KCNMB2: variants seen among roughly 807,000 people sequenced by gnomAD.
The protein encoded by KCNMB2 is calcium-activated potassium channel subunit beta-2.
Under a neutral mutation model 24.5 loss-of-function variants are expected in KCNMB2, and 9 were observed. The observed-to-expected ratio is 0.37, with a 90% CI of 0.22 to 0.64. The LOEUF (loss-of-function observed/expected upper bound fraction) is 0.64, where lower values mean the gene tolerates loss of function less well. KCNMB2 is among the 30% of genes least tolerant of loss of function. The pLI is 0.63. For synonymous variants in KCNMB2, 109 were observed against 104.4 expected (o/e 1.04, Z -0.27); for missense variants, 226 against 284.3 (o/e 0.79, Z 1.47).
At chr3:178,805,236 A>C (rs1713918988) in intron 1 of KCNMB2, among the ~76,000 whole-genome samples, 1 of 152,184 alleles carries the variant, frequency 6.6e-6, no homozygotes, top group African/African-American at 2.4e-5. Flanking sequence ...TCTGATGCTG[A>C]CCCAAGGGTT....
At chr3:178,553,526 CAGAG>C (rs1716025144) in intron 1 of KCNMB2, among the ~76,000 whole-genome samples, 2 of 150,406 alleles carry the variant, frequency 1.3e-5, no homozygotes, top group East Asian at 3.9e-4. Context: ...TGATCAGCTT[CAGAG>C]AGATTCCTTT....
chr3:178,708,189 C>A (rs1403356460), intron 1 of KCNMB2, among the ~76,000 whole-genome samples: 1 of 152,080 alleles, frequency 6.6e-6, no homozygotes, highest in Non-Finnish European at 1.5e-5. Flanking sequence ...TATTATCATA[C>A]CTGCCCCCTT....
At chr3:178,783,109 C>T (rs1189725314) in intron 1 of KCNMB2, among the ~76,000 whole-genome samples, 11 of 151,402 alleles carry the variant, frequency 7.3e-5, no homozygotes, top group South Asian at 2.1e-4. Context: ...TGTAGATATA[C>T]GGCGTTATTT....
intron 1 of KCNMB2, among the ~76,000 whole-genome samples, chr3:178,780,417 C>G (rs978775259): frequency 1.3e-5 from 2 of 152,170 alleles, no homozygotes; most frequent in Non-Finnish European, 2.9e-5. Context: ...AGTTGAGACT[C>G]AGGGATGCAA....
intron 1 of KCNMB2, among the ~76,000 whole-genome samples, chr3:178,722,374 G>A (rs1326393071): frequency 1.3e-5 from 2 of 152,114 alleles, no homozygotes; most frequent in African/African-American, 2.4e-5. Context: ...TCACAGCTCT[G>A]GAGGCTGTGA....
At chr3:178,712,221 G>A (rs781128031) in intron 1 of KCNMB2, among the ~76,000 whole-genome samples, 15 of 152,080 alleles carry the variant, frequency 9.9e-5, no homozygotes, top group Non-Finnish European at 1.3e-4. Flanking sequence ...TTTACTAGGG[G>A]GCCTAACCAC....
chr3:178,650,384 C>T (rs1322345765), intron 1 of KCNMB2, among the ~76,000 whole-genome samples: 2 of 151,938 alleles, frequency 1.3e-5, no homozygotes, highest in African/African-American at 4.8e-5. Context: ...TTTAAGTCTT[C>T]AATATCCTTG....
intron 1 of KCNMB2, among the ~76,000 whole-genome samples, chr3:178,772,805 T>C (rs550003563): frequency 1.8e-4 from 27 of 152,352 alleles, no homozygotes; most frequent in Admixed American, 6.5e-4. Flanking sequence ...AGTAGGTAGA[T>C]GTCTTGTCTA....
chr3:178,673,404 T>C (rs1279211630), intron 1 of KCNMB2, among the ~76,000 whole-genome samples: 1 of 152,144 alleles, frequency 6.6e-6, no homozygotes, highest in African/African-American at 2.4e-5. Context: ...CTGGTTTCTA[T>C]TCCCATATCT....
chr3:178,797,714 A>C (rs2108445259), intron 1 of KCNMB2, among the ~76,000 whole-genome samples: 1 of 152,296 alleles, frequency 6.6e-6, no homozygotes, highest in East Asian at 1.9e-4. Flanking sequence ...TGAATCTATA[A>C]ATTACTTTGG....
At chr3:178,614,543 G>A (rs1718637986) in intron 1 of KCNMB2, among the ~76,000 whole-genome samples, 1 of 151,518 alleles carries the variant, frequency 6.6e-6, no homozygotes, top group Non-Finnish European at 1.5e-5. Flanking sequence ...GAAAAGACCT[G>A]CCCCCATGAT....
chr3:178,539,738 T>C (rs888192205), intron 1 of KCNMB2, among the ~76,000 whole-genome samples: 3 of 152,080 alleles, frequency 2.0e-5, no homozygotes, highest in East Asian at 1.9e-4. Flanking sequence ...AGTGTGTGTG[T>C]GCGTGTGTGT....
intron 1 of KCNMB2, among the ~76,000 whole-genome samples, chr3:178,786,599 C>T (rs549544796): frequency 6.6e-6 from 1 of 152,156 alleles, no homozygotes; most frequent in African/African-American, 2.4e-5. Flanking sequence ...TTTCCACCCT[C>T]GACTTTACTA....
chr3:178,694,933 G>T (rs1028210633), intron 1 of KCNMB2, among the ~76,000 whole-genome samples: 1 of 152,254 alleles, frequency 6.6e-6, no homozygotes, highest in Admixed American at 6.5e-5. Flanking sequence ...GCCCCAGTGG[G>T]AACTCTGTGT....
intron 1 of KCNMB2, among the ~76,000 whole-genome samples, chr3:178,588,938 C>G (rs1450608148): frequency 6.6e-6 from 1 of 152,190 alleles, no homozygotes; most frequent in Non-Finnish European, 1.5e-5. Flanking sequence ...TGCTCAACAG[C>G]TAATGACTGT....
intron 1 of KCNMB2, among the ~76,000 whole-genome samples, chr3:178,608,318 T>C (rs1220041658): frequency 5.9e-5 from 9 of 152,232 alleles, no homozygotes. Flanking sequence ...AGTGCTCAAA[T>C]TGGCTCTGAA....
intron 1 of KCNMB2, among the ~76,000 whole-genome samples, chr3:178,594,503 TG>T (rs1218546226): frequency 2.6e-5 from 4 of 152,046 alleles, no homozygotes; most frequent in Non-Finnish European, 4.4e-5. Context: ...CCCCCATGTT[TG>T]GGGTCAAAGG....
intron 1 of KCNMB2, among the ~76,000 whole-genome samples, chr3:178,694,751 G>A (rs924652119): frequency 2.0e-5 from 3 of 152,226 alleles, no homozygotes; most frequent in Non-Finnish European, 4.4e-5. Context: ...CCAGGGTTTT[G>A]AACAGTTCTG....
intron 1 of KCNMB2, among the ~76,000 whole-genome samples, chr3:178,563,930 G>A (rs1238734156): frequency 1.3e-5 from 2 of 152,068 alleles, no homozygotes; most frequent in Admixed American, 1.3e-4. Flanking sequence ...CCCAAAACAT[G>A]GAAATGAAGA....
Sources: gnomAD v4.1 joint callset for allele counts (sites outside exome capture counted in the v4.1 genomes callset) on GRCh38, gnomAD v4.1.1 for gene constraint, MANE v1.5 for transcripts, NCBI Gene and HGNC (gene_info 2026-07-23, HGNC 2026-07-21) for gene names.